PPP1R9A: variants seen among roughly 807,000 people sequenced by gnomAD.
The protein encoded by PPP1R9A is protein phosphatase 1 regulatory subunit 9A, also known as neurabin-1.
In PPP1R9A, 59 loss-of-function variants were observed where a neutral mutation model predicts 141.9. The observed-to-expected ratio is 0.42, with a 90% CI of 0.34 to 0.52. PPP1R9A has a LOEUF of 0.52. Ranked by LOEUF, PPP1R9A falls within the 20% of genes least tolerant of loss-of-function variation. The pLI, the probability that PPP1R9A is intolerant of heterozygous loss-of-function variation, is 0.10. For missense variants in PPP1R9A, 1,444 were observed against 1,611.9 expected (o/e 0.90, Z 1.78); for synonymous variants, 500 against 569.7 (o/e 0.88, Z 1.74).
At chr7:95,227,258 C>T (rs952091849) in intron 8 of PPP1R9A, among the ~76,000 whole-genome samples, 1 of 152,118 alleles carries the variant, frequency 6.6e-6, no homozygotes, top group Non-Finnish European at 1.5e-5. Flanking sequence ...AATAGTATTC[C>T]CTGGCGAAAG....
intron 2 of PPP1R9A, among the ~76,000 whole-genome samples, chr7:94,976,443 C>A (rs999549326): frequency 2.0e-5 from 3 of 150,154 alleles, no homozygotes; most frequent in Non-Finnish European, 4.4e-5. Context: ...TGGGTTCAGG[C>A]GATTCTCCTG....
intron 7 of PPP1R9A, among the ~76,000 whole-genome samples, chr7:95,215,144 C>T (rs1326613535): frequency 9.3e-5 from 12 of 129,228 alleles, no homozygotes; most frequent in Middle Eastern, 3.8e-3. Flanking sequence ...CAACAGGCCC[C>T]GGTGTGTGAT....
chr7:95,023,763 A>C (rs943875538), intron 2 of PPP1R9A, among the ~76,000 whole-genome samples: 1 of 152,144 alleles, frequency 6.6e-6, no homozygotes, highest in South Asian at 2.1e-4. Flanking sequence ...CGTGTTAGCC[A>C]GGAGGGTGTT....
intron 12 of PPP1R9A, among the ~76,000 whole-genome samples, chr7:95,261,404 T>C (rs987248284): frequency 1.3e-5 from 2 of 152,136 alleles, no homozygotes; most frequent in Non-Finnish European, 1.5e-5. Context: ...TTTAATACTA[T>C]ACAGTAATCA....
At chr7:95,259,247 ATAAT>A in intron 12 of PPP1R9A, among the ~76,000 whole-genome samples, 1 of 150,950 alleles carries the variant, frequency 6.6e-6, no homozygotes, top group African/African-American at 2.4e-5. Flanking sequence ...TTCAAAAGTA[ATAAT>A]TTTATAGTTT....
At chr7:95,188,862 A>G (rs917153202) in intron 5 of PPP1R9A, among the ~76,000 whole-genome samples, 2 of 151,774 alleles carry the variant, frequency 1.3e-5, no homozygotes, top group African/African-American at 4.8e-5. Context: ...CTCCCAAAGA[A>G]TACTTTGTTT....
chr7:94,935,000 C>T (rs1189749098), intron 2 of PPP1R9A, among the ~76,000 whole-genome samples: 1 of 152,110 alleles, frequency 6.6e-6, no homozygotes, highest in Non-Finnish European at 1.5e-5. Context: ...GCTTGGAGTA[C>T]AGTTGCGCTC....
intron 2 of PPP1R9A, among the ~76,000 whole-genome samples, chr7:95,032,183 A>T (rs17166593): frequency 0.075 from 11,427 of 152,168 alleles, 515 homozygotes; most frequent in East Asian, 0.15. Flanking sequence ...GATGCAGTTT[A>T]TCACCATTCC....
chr7:95,023,960 G>A (rs751956594), intron 2 of PPP1R9A, among the ~76,000 whole-genome samples: 6 of 152,144 alleles, frequency 3.9e-5, no homozygotes, highest in South Asian at 4.1e-4. Context: ...TGCTTTAGCC[G>A]TGTCCCAGAG....
chr7:94,922,447 T>G (rs1256688099), intron 2 of PPP1R9A, among the ~76,000 whole-genome samples: 1 of 152,154 alleles, frequency 6.6e-6, no homozygotes, highest in Non-Finnish European at 1.5e-5. Context: ...AAATCAGTGT[T>G]TGTTAGTAAA....
chr7:94,985,817 T>C (rs114140238), intron 2 of PPP1R9A, among the ~76,000 whole-genome samples: 2,040 of 152,306 alleles, frequency 0.013, 50 homozygotes, highest in African/African-American at 0.047. Flanking sequence ...AATGGAATCA[T>C]AAAATTTTCT....
At chr7:95,254,995 A>G (rs1404756789) in intron 12 of PPP1R9A, among the ~76,000 whole-genome samples, 2 of 152,242 alleles carry the variant, frequency 1.3e-5, no homozygotes, top group Non-Finnish European at 2.9e-5. Context: ...TTATCTTATC[A>G]TGATTACATA....
At chr7:95,008,214 C>G (rs917147702) in intron 2 of PPP1R9A, among the ~76,000 whole-genome samples, 1 of 151,980 alleles carries the variant, frequency 6.6e-6, no homozygotes, top group Non-Finnish European at 1.5e-5. Context: ...GAATCAGATG[C>G]CTTTGGTGGG....
chr7:95,085,284 A>G (rs1816450421), intron 2 of PPP1R9A, among the ~76,000 whole-genome samples: 4 of 151,932 alleles, frequency 2.6e-5, no homozygotes, highest in South Asian at 2.1e-4. Context: ...AGAGGAAAAC[A>G]AGAGATGAGA....
intron 7 of PPP1R9A, among the ~76,000 whole-genome samples, chr7:95,219,407 T>G (rs1794062000): frequency 1.3e-5 from 2 of 152,180 alleles, no homozygotes; most frequent in Non-Finnish European, 2.9e-5. Flanking sequence ...TAACATTTTT[T>G]CCTTCATTTC....
At chr7:94,997,366 A>C (rs1051433273) in intron 2 of PPP1R9A, among the ~76,000 whole-genome samples, 1 of 151,810 alleles carries the variant, frequency 6.6e-6, no homozygotes, top group East Asian at 1.9e-4. Context: ...CTATTATACT[A>C]TTGTCTAGAT....
At chr7:95,073,624 G>GT (rs36077129) in intron 2 of PPP1R9A, among the ~76,000 whole-genome samples, 6,482 of 105,574 alleles carry the variant, frequency 0.061, 384 homozygotes, top group African/African-American at 0.1. Flanking sequence ...AAAGAAATAA[G>GT]TTTTTTTTTT....
chr7:94,910,301 T>C lies in PPP1R9A; in HGVS notation c.188T>C (p.Val63Ala), dbSNP rs962871577. 2 of 1,613,874 alleles carry C rather than the reference T, an allele frequency of 1.2e-6. No individual in the cohort carries two copies. The highest frequency in any genetic ancestry group is 3.3e-5 in the Admixed American group (2 of 59,988). Residue 63 changes from valine (V) to alanine (A), a missense_variant, in exon 2 of 20, where the codon GTC becomes GCC. Val to Ala is a moderately conservative substitution (Grantham distance 64). Transcript: ENST00000433360. The surrounding 1 kb of genome is among the most constrained non-coding windows in gnomAD (Gnocchi z 4.5). The stretch of plus-strand genomic sequence containing the variant: ...AGGGGGAGGAAATATGGCTCCAATG[T>C]CAACAGAATTAAAAACCTATTTATG... ...QSRGRKYGSNVNRIKNLFMQM... is the reference protein window; with the variant it reads ...QSRGRKYGSNANRIKNLFMQM...
chr7:95,174,585 C>T (rs1434285698), intron 5 of PPP1R9A, among the ~76,000 whole-genome samples: 1 of 152,010 alleles, frequency 6.6e-6, no homozygotes, highest in African/African-American at 2.4e-5. Flanking sequence ...AAGCACCATA[C>T]GAATTGATTA....
Sources: gnomAD v4.1 joint callset for allele counts (sites outside exome capture counted in the v4.1 genomes callset) on GRCh38, gnomAD v4.1.1 for gene constraint, Gnocchi (gnomAD v3.1) non-coding constraint, MANE v1.5 for transcripts, NCBI Gene and HGNC (gene_info 2026-07-23, HGNC 2026-07-21) for gene names.